C12orf42: variants seen among roughly 807,000 people sequenced by gnomAD.
C12orf42 encodes uncharacterized protein C12orf42.
In C12orf42, 25 loss-of-function variants were observed where a neutral mutation model predicts 21.6. That is an observed-to-expected ratio of 1.16 (90% CI 0.84 to 1.62). C12orf42 has a LOEUF of 1.62. Ranked by LOEUF, C12orf42 falls within the 40% of genes most tolerant of loss-of-function variation. C12orf42 has a pLI of 0.00. For synonymous variants in C12orf42, 174 were observed against 175.0 expected (o/e 0.99, Z 0.05); for missense variants, 483 against 459.3 (o/e 1.05, Z -0.47).
chr12:103,085,516 G>A, the C12orf42 span, among the ~76,000 whole-genome samples: 1 of 151,864 alleles, frequency 6.6e-6, no homozygotes, highest in African/African-American at 2.4e-5. Context: ...CACTGTGCCT[G>A]CTGCAAAATT....
At chr12:103,189,971 G>GTGTATATA in the C12orf42 span, among the ~76,000 whole-genome samples, 1 of 150,888 alleles carries the variant, frequency 6.6e-6, no homozygotes, top group East Asian at 2.0e-4. Flanking sequence ...ATATACATGT[G>GTGTATATA]TATATATATA....
Position 103,251,011 on chromosome 12 carries a change from T to A in C12orf42, c.*1366+12315A>T, listed in dbSNP as rs530228044. On this transcript the variant is annotated intron_variant and NMD_transcript_variant, in intron 10 of 10. Coordinates refer to the C12orf42 transcript ENST00000547347. Reference sequence around the variant, plus strand: ...GGTAATCCTAAAGACCACCCCTTTCTGGCACTTAAGTGACAATCACTCATT... The same window carrying A: ...GGTAATCCTAAAGACCACCCCTTTCAGGCACTTAAGTGACAATCACTCATT... Among the ~76,000 whole-genome samples, 36 of 152,252 alleles carry A rather than the reference T, an allele frequency of 2.4e-4. No homozygotes were observed. The South Asian group carries it at 4.8e-3, about 20-fold the overall frequency.
intron 2 of C12orf42, 135 bp from the exon 3 acceptor site, chr12:103,401,810 C>T (rs571173821): frequency 7.7e-6 from 6 of 779,824 alleles, no homozygotes; most frequent in East Asian, 5.5e-5. Context: ...ACTGAGTACC[C>T]GATATTGCCC....
intron 2 of C12orf42, among the ~76,000 whole-genome samples, chr12:103,420,274 C>T (rs1391658617): frequency 6.6e-6 from 1 of 152,160 alleles, no homozygotes; most frequent in Non-Finnish European, 1.5e-5. Flanking sequence ...CTAACTGAAC[C>T]CTTTGTGCTT....
intron 3 of C12orf42, among the ~76,000 whole-genome samples, chr12:103,390,164 C>T (rs908023487): frequency 6.6e-6 from 1 of 152,154 alleles, no homozygotes; most frequent in Non-Finnish European, 1.5e-5. Flanking sequence ...TTCCTCCCTG[C>T]TCCCTTAGTC....
the C12orf42 span, chr12:103,164,513 G>T: frequency 2.2e-6 from 1 of 449,158 alleles, no homozygotes; most frequent in African/African-American, 2.0e-5. Context: ...TGCCAGGAAA[G>T]AATTGGGCAT....
At chr12:103,062,377 T>C in the C12orf42 span, among the ~76,000 whole-genome samples, 2 of 151,934 alleles carry the variant, frequency 1.3e-5, no homozygotes, top group African/African-American at 4.8e-5. Context: ...TATGTGTATG[T>C]CATTTTTATT....
chr12:103,099,560 A>G, the C12orf42 span, among the ~76,000 whole-genome samples: 3 of 152,236 alleles, frequency 2.0e-5, no homozygotes, highest in African/African-American at 7.2e-5. Context: ...TACTTTGTCA[A>G]ATACGAAGCC....
At chr12:103,493,414 C>G (rs117893205) in intron 1 of C12orf42, among the ~76,000 whole-genome samples, 4 of 152,012 alleles carry the variant, frequency 2.6e-5, no homozygotes, top group Non-Finnish European at 5.9e-5. Context: ...TCCCCACACT[C>G]ACAATGTTCT....
the C12orf42 span, among the ~76,000 whole-genome samples, chr12:103,070,545 C>T: frequency 1.6e-4 from 24 of 148,560 alleles, no homozygotes; most frequent in Admixed American, 8.1e-4. Flanking sequence ...CACACACACC[C>T]GACACAGCCT....
chr12:103,143,538 C>G, the C12orf42 span, among the ~76,000 whole-genome samples: 2 of 152,224 alleles, frequency 1.3e-5, no homozygotes, highest in African/African-American at 4.8e-5. Flanking sequence ...GTGTCAGAAA[C>G]TTGCTTCCCC....
intron 5 of C12orf42, among the ~76,000 whole-genome samples, chr12:103,270,919 T>C (rs1284660356): frequency 6.6e-6 from 1 of 152,242 alleles, no homozygotes; most frequent in South Asian, 2.1e-4. Context: ...GTTATGATAA[T>C]ATCAGAATGG....
chr12:103,222,382 G>A, the C12orf42 span, among the ~76,000 whole-genome samples: 14 of 152,082 alleles, frequency 9.2e-5, 1 homozygote, highest in Admixed American at 7.2e-4. Context: ...ACTTTCACAA[G>A]GTAATGTCAT....
chr12:103,514,277 C>A, the C12orf42 span, among the ~76,000 whole-genome samples: 6 of 152,136 alleles, frequency 3.9e-5, no homozygotes, highest in African/African-American at 1.4e-4. Context: ...ATGGGAACTA[C>A]AATTCAAGAT....
At chr12:103,100,490 A>G in the C12orf42 span, among the ~76,000 whole-genome samples, 2 of 152,280 alleles carry the variant, frequency 1.3e-5, no homozygotes, top group Admixed American at 1.3e-4. Context: ...CGGAGCGGTC[A>G]CTCCTGATGT....
At position 103,478,388 on chromosome 12, in the gene C12orf42, T is replaced by G; in HGVS notation, c.39A>C (p.Glu13Asp). Residue 13 changes from glutamate to aspartate, a missense_variant, in exon 2 of 6, where the codon GAA (glutamate) becomes GAC (aspartate). Coordinates refer to ENST00000548883, the MANE Select transcript of C12orf42 (RefSeq NM_198521.5). ...CAAAAGGTCTGATGGTTAGCAAGAATTCTTCTTCCCTTTGTTTCATACATA... is the reference window on the plus strand; with the variant it reads ...CAAAAGGTCTGATGGTTAGCAAGAAGTCTTCTTCCCTTTGTTTCATACATA... ...TVICMKQREE[E>D]FLLTIRPFAN... The G allele has an allele frequency of 6.2e-7, 1 of 1,604,896 alleles. No homozygotes were observed. Among genetic ancestry groups the G allele is most frequent in the Non-Finnish European group, 8.5e-7 (1 of 1,174,338 alleles).
At chr12:103,368,676 G>T (rs925035724) in intron 4 of C12orf42, among the ~76,000 whole-genome samples, 1 of 152,076 alleles carries the variant, frequency 6.6e-6, no homozygotes, top group African/African-American at 2.4e-5. Flanking sequence ...AATTAATCAT[G>T]ATATTATTGG....
chr12:103,269,971 C>T (rs1211320036), intron 5 of C12orf42: 1 of 152,074 alleles, frequency 6.6e-6, no homozygotes, highest in African/African-American at 2.4e-5. Flanking sequence ...GTCTAGAACT[C>T]AGGATGAACA....
At chr12:103,145,462 A>G in the C12orf42 span, among the ~76,000 whole-genome samples, 1 of 152,222 alleles carries the variant, frequency 6.6e-6, no homozygotes, top group Non-Finnish European at 1.5e-5. Flanking sequence ...GACCAACATA[A>G]AAATAGAATG....
Sources: allele counts gnomAD v4.1 joint callset (sites outside exome capture counted in the v4.1 genomes callset), GRCh38; gene constraint gnomAD v4.1.1; transcripts MANE v1.5; gene names NCBI Gene and HGNC (gene_info 2026-07-23, HGNC 2026-07-21).